Variants in TMOD3 observed in about 807,000 individuals in gnomAD.
The protein encoded by TMOD3 is tropomodulin-3.
A neutral mutation model predicts 39.2 loss-of-function variants in TMOD3; 20 were observed. The observed-to-expected ratio is 0.51, with a 90% CI of 0.36 to 0.74. The LOEUF (loss-of-function observed/expected upper bound fraction) is 0.74, where lower values mean the gene tolerates loss of function less well. Ranked by LOEUF, TMOD3 falls within the 30% of genes least tolerant of loss-of-function variation. The probability of loss-of-function intolerance (pLI) is 0.00; values close to 1 mark genes in which losing one functional copy is unlikely to be tolerated. For missense variants in TMOD3, 381 were observed against 412.8 expected (o/e 0.92, Z 0.67); for synonymous variants, 143 against 145.8 (o/e 0.98, Z 0.14).
At chr15:51,859,481 A>G in intron 1 of TMOD3, 1 of 656,092 alleles carries the variant, frequency 1.5e-6, no homozygotes, top group Non-Finnish European at 2.9e-6. Context: ...TGTTCTGTAA[A>G]CTTTTATACA....
intron 8 of TMOD3, among the ~76,000 whole-genome samples, chr15:51,901,655 T>C (rs2056651524): frequency 1.3e-5 from 2 of 151,252 alleles, no homozygotes; most frequent in Non-Finnish European, 2.9e-5. Flanking sequence ...GGTCAATGGG[T>C]AAAATCCCCT....
At chr15:51,890,128 T>G (rs1161286526) in intron 5 of TMOD3, among the ~76,000 whole-genome samples, 1 of 152,036 alleles carries the variant, frequency 6.6e-6, no homozygotes, top group Non-Finnish European at 1.5e-5. Flanking sequence ...ACTGTAAATA[T>G]TTATTGCAAC....
Position 51,909,060 on chromosome 15 carries a change from G to A in TMOD3, c.*250G>A. On this transcript the variant is annotated 3_prime_UTR_variant, in exon 10 of 10. Transcript: ENST00000308580. ...TTGAATGATTTATGATGAATCTTGG[G>A]CAAAAAAATACAACTGTAAAAAATT... 1 of 329,152 alleles carries A rather than the reference G, an allele frequency of 3.0e-6. No homozygotes were observed. 20.4% of individuals were successfully genotyped at this position (329,152 alleles called of 1,614,324 possible). A position where few individuals can be genotyped will look rare whatever the true frequency, so the allele number is the denominator to read the frequency against.
At chr15:51,881,412 T>C (rs1252584030) in intron 3 of TMOD3, among the ~76,000 whole-genome samples, 1 of 152,190 alleles carries the variant, frequency 6.6e-6, no homozygotes, top group Non-Finnish European at 1.5e-5. Context: ...TTCTTGATGG[T>C]ATAATTTGCC....
chr15:51,860,460 G>C, intron 1 of TMOD3: 2 of 565,944 alleles, frequency 3.5e-6, no homozygotes, highest in Non-Finnish European at 7.0e-6. Flanking sequence ...ATAAAGTTTT[G>C]GGCCCTCTGG....
chr15:51,871,489 AAG>A (rs2056474552), intron 3 of TMOD3, among the ~76,000 whole-genome samples: 1 of 152,220 alleles, frequency 6.6e-6, no homozygotes, highest in Non-Finnish European at 1.5e-5. Flanking sequence ...ATGTGAGAAA[AAG>A]AGATGTCAGA....
At chr15:51,885,714 C>T (rs564586320) in intron 3 of TMOD3, among the ~76,000 whole-genome samples, 50 of 152,310 alleles carry the variant, frequency 3.3e-4, no homozygotes, top group African/African-American at 1.1e-3. Context: ...AGCAACAATC[C>T]GATTTCTCCT....
intron 3 of TMOD3, among the ~76,000 whole-genome samples, chr15:51,874,623 T>C (rs2554336): frequency 0.47 from 71,900 of 152,032 alleles, 17,225 homozygotes; most frequent in Admixed American, 0.54. Flanking sequence ...TAGAACCTTG[T>C]CATGAATTTA....
chr15:51,894,681 C>T (rs1056970216), intron 6 of TMOD3, among the ~76,000 whole-genome samples: 3 of 152,072 alleles, frequency 2.0e-5, no homozygotes, highest in African/African-American at 4.8e-5. Flanking sequence ...AGTATGTAGC[C>T]TTTTGGGTCT....
intron 2 of TMOD3, 37 bp from the exon 3 acceptor site, chr15:51,869,180 T>C (rs1166107924): frequency 9.4e-6 from 15 of 1,602,678 alleles, no homozygotes; most frequent in Non-Finnish European, 1.0e-5. Context: ...ATTAGCATTC[T>C]TATTGGTCAT....
intron 1 of TMOD3, among the ~76,000 whole-genome samples, chr15:51,848,085 T>C (rs2056344708): frequency 1.3e-5 from 2 of 152,218 alleles, no homozygotes; most frequent in Non-Finnish European, 2.9e-5. Context: ...GGCTCGCACC[T>C]GACTCTGAAT....
At chr15:51,871,971 G>A (rs1052361058) in intron 3 of TMOD3, among the ~76,000 whole-genome samples, 1 of 152,102 alleles carries the variant, frequency 6.6e-6, no homozygotes, top group Non-Finnish European at 1.5e-5. Flanking sequence ...CAGCTCTGAT[G>A]CAGTGATTAA....
chr15:51,833,559 T>C (rs2056266643), intron 1 of TMOD3: 1 of 152,248 alleles, frequency 6.6e-6, no homozygotes. Context: ...ACTCCATAGA[T>C]TTCTGACACT....
rs2056278996 is a variant in TMOD3 at position 51,835,606 on chromosome 15, G to A, written c.-75+5770G>A. Among the ~76,000 whole-genome samples the A allele has an allele frequency of 2.0e-5, 3 of 152,132 alleles. No individual in the cohort carries two copies. In the South Asian group the frequency reaches 6.2e-4, roughly 32 times the overall value. On this transcript the variant is annotated intron_variant, in intron 1 of 9. Transcript: ENST00000308580. ...TTACAGGCGTGAGCCACCACACCCAGCCTTAGTTTCCATGTTTCTACTCCA... is the reference window on the plus strand; with the variant it reads ...TTACAGGCGTGAGCCACCACACCCAACCTTAGTTTCCATGTTTCTACTCCA...
chr15:51,869,702 C>T (rs1389501665), intron 3 of TMOD3, among the ~76,000 whole-genome samples: 2 of 152,160 alleles, frequency 1.3e-5, no homozygotes, highest in East Asian at 3.8e-4. Flanking sequence ...GATGTTAAGG[C>T]ATCTATTCTA....
At chr15:51,888,771 A>G (rs2056578266) in intron 4 of TMOD3, among the ~76,000 whole-genome samples, 1 of 152,200 alleles carries the variant, frequency 6.6e-6, no homozygotes, top group South Asian at 2.1e-4. Context: ...TCTCTTAGCC[A>G]CTAGATGGAG....
At chr15:51,879,891 A>C (rs77740992) in intron 3 of TMOD3, among the ~76,000 whole-genome samples, 2 of 45,944 alleles carry the variant, frequency 4.4e-5, no homozygotes, top group Admixed American at 2.1e-4. Context: ...CACACACACG[A>C]AGAAGAAATT....
chr15:51,836,272 C>T (rs2056282583), intron 1 of TMOD3, among the ~76,000 whole-genome samples: 1 of 152,122 alleles, frequency 6.6e-6, no homozygotes, highest in Non-Finnish European at 1.5e-5. Context: ...AAACCCCTTA[C>T]CATTAGCAGT....
At position 51,881,189 on chromosome 15, in the gene TMOD3, C is replaced by A. The variant is rs371762548; in HGVS notation, c.284-6400C>A. 1.5e-4 allele frequency among the ~76,000 whole-genome samples: 23 copies of A among 152,328 alleles called. No homozygotes were observed. The East Asian group carries it at 3.7e-3, about 24-fold the overall frequency. ...GGCTCAAACAATCCTCCTATGTCAA[C>A]CGACCGAGTAGCTGAGATTACAAAT... On this transcript the variant is annotated intron_variant, in intron 3 of 9. Transcript: ENST00000308580.
Sources: gnomAD v4.1 joint callset for allele counts (sites outside exome capture counted in the v4.1 genomes callset) on GRCh38, gnomAD v4.1.1 for gene constraint, MANE v1.5 for transcripts, NCBI Gene and HGNC (gene_info 2026-07-23, HGNC 2026-07-21) for gene names.